Variants in GNB5 observed in about 807,000 individuals in gnomAD.
GNB5 encodes guanine nucleotide-binding protein subunit beta-5.
In GNB5, 37 loss-of-function variants were observed where a neutral mutation model predicts 55.3. That is an observed-to-expected ratio of 0.67 (90% confidence interval 0.51 to 0.88). The LOEUF (loss-of-function observed/expected upper bound fraction) is 0.88, where lower values mean the gene tolerates loss of function less well. Among genes scored for constraint, GNB5 ranks in the 40% least tolerant of loss-of-function variants. GNB5 has a pLI of 0.00. For missense variants in GNB5, 476 were observed against 515.3 expected (o/e 0.92, Z 0.74); for synonymous variants, 219 against 198.5 (o/e 1.10, Z -0.87).
chr15:52,165,763 C>T (rs533384952), intron 3 of GNB5, among the ~76,000 whole-genome samples: 27 of 151,994 alleles, frequency 1.8e-4, no homozygotes, highest in African/African-American at 5.8e-4. Flanking sequence ...AGTACAAGTA[C>T]GCTGTGAAGC....
rs556416735 is a variant in GNB5, at chr15:52,124,270, G to A, written c.1176+203C>T. Among the ~76,000 whole-genome samples the A allele has an allele frequency of 2.0e-5, 3 of 152,330 alleles. No homozygotes were observed. The South Asian group carries it at 6.2e-4, about 32-fold the overall frequency. ...ATACGCAGTTGTCGAATCTGTGCGAGAATACCTGCACTGATGCAGCACTCG... is the reference window on the plus strand; with the variant it reads ...ATACGCAGTTGTCGAATCTGTGCGAAAATACCTGCACTGATGCAGCACTCG... On this transcript the variant is annotated intron_variant, in intron 12 of 12. Transcript: ENST00000261837.
chr15:52,170,608 A>G (rs2141231560), intron 3 of GNB5, among the ~76,000 whole-genome samples: 1 of 152,132 alleles, frequency 6.6e-6, no homozygotes, highest in South Asian at 2.1e-4. Flanking sequence ...TGGGCTTAAT[A>G]CTTAGGTGAT....
Position 52,117,232 on chromosome 15 carries a change from CTTTG to C in GNB5, c.*5521_*5524del, listed in dbSNP as rs946632920. 4.6e-5 allele frequency: 7 copies of C among 151,458 alleles called. No homozygotes were observed. The highest frequency in any genetic ancestry group is 9.7e-5 in the African/African-American group (4 of 41,068). The allele number at this position is 151,458 out of a possible 1,614,324, so 9.4% of individuals were successfully genotyped here. A position where few individuals can be genotyped will look rare whatever the true frequency, so the allele number is the denominator to read the frequency against. ...GGCGTGAGCCACCGCGCCCAGTCAC[CTTTG>C]TTTTTCTTTACCTCCTGGAATATGC... On this transcript the variant is annotated 3_prime_UTR_variant, in exon 13 of 13. Coordinates refer to ENST00000261837, the MANE Select transcript of GNB5 (RefSeq NM_016194.4).
intron 2 of GNB5, among the ~76,000 whole-genome samples, chr15:52,182,805 G>A (rs1020155014): frequency 6.6e-6 from 1 of 152,146 alleles, no homozygotes; most frequent in Admixed American, 6.5e-5. Context: ...AGTAATTGTG[G>A]TTTTTGCCAT....
rs1040088034 is a variant in GNB5 at position 52,179,931 on chromosome 15, G to C, written c.127-52C>G. 29 of 1,447,028 alleles carry C rather than the reference G, an allele frequency of 2.0e-5. 1 individual carries two copies. In the South Asian group the frequency reaches 2.6e-4, roughly 13 times the overall value. The allele number at this position is 1,447,028 out of a possible 1,614,324, so 89.6% of individuals were successfully genotyped here. A position where few individuals can be genotyped will look rare whatever the true frequency, so the allele number is the denominator to read the frequency against. On this transcript the variant is annotated intron_variant, in intron 2 of 12. Coordinates refer to ENST00000261837, the MANE Select transcript of GNB5 (RefSeq NM_016194.4). ...GAAGCGGAGAGCGGGAATGCGCTGA[G>C]CCGCGGCGGGCGCCGCTCCAGCAGC...
Position 52,116,484 on chromosome 15 carries a change from T to C in GNB5, c.*6273A>G, listed in dbSNP as rs985117422. The C allele has an allele frequency of 6.6e-6, 1 of 152,208 alleles. No homozygotes were observed. The highest frequency in any genetic ancestry group is 1.9e-4 in the East Asian group (1 of 5,208). The allele number at this position is 152,208 out of a possible 1,614,324, so 9.4% of individuals were successfully genotyped here. ...TTTAATTGACACATAATTGTATGTA[T>C]TTATGGGGTACAGTGTGTTATTTTG... On this transcript the variant is annotated 3_prime_UTR_variant, in exon 13 of 13. Coordinates refer to ENST00000261837, the MANE Select transcript of GNB5 (RefSeq NM_016194.4).
chr15:52,167,915 C>T (rs137964238), intron 3 of GNB5, among the ~76,000 whole-genome samples: 3 of 152,174 alleles, frequency 2.0e-5, no homozygotes, highest in African/African-American at 7.2e-5. Context: ...ATGATTACCT[C>T]GATAAGACAG....
chr15:52,180,785 ACTGTT>A (rs1345005934), intron 2 of GNB5: 3 of 152,380 alleles, frequency 2.0e-5, no homozygotes, highest in East Asian at 1.9e-4. Flanking sequence ...TGTGAGAGGC[ACTGTT>A]CTAAGTGCTT....
intron 3 of GNB5, among the ~76,000 whole-genome samples, chr15:52,173,981 C>A (rs1056252858): frequency 6.6e-6 from 1 of 152,182 alleles, no homozygotes; most frequent in South Asian, 2.1e-4. Context: ...AAGGGACTTT[C>A]TAGATGTGAT....
At chr15:52,184,339 A>G (rs1474380472) in intron 2 of GNB5, among the ~76,000 whole-genome samples, 1 of 152,194 alleles carries the variant, frequency 6.6e-6, no homozygotes, top group African/African-American at 2.4e-5. Flanking sequence ...CTCCTTGCAC[A>G]CCAATAACTA....
At chr15:52,127,814 G>GA (rs60081352) in intron 10 of GNB5, among the ~76,000 whole-genome samples, 84 of 140,774 alleles carry the variant, frequency 6.0e-4, no homozygotes, top group Middle Eastern at 3.7e-3. Flanking sequence ...GTTTTTAACA[G>GA]AAAAAAAAAA....
At position 52,128,236 on chromosome 15, in the gene GNB5, G is replaced by C. The variant is rs758990144; in HGVS notation, c.872C>G (p.Pro291Arg). ...CCCTGAAGCAAAGGCATCTCCACTG[G>C]GGTAGTACCTGCAGAGAGAAAGTAC... ...ESDINSVRYY[P>R]SGDAFASGSD... Residue 291 changes from proline to arginine, a missense_variant, in exon 10 of 13, where the codon CCC (proline) becomes CGC (arginine). Pro to Arg is a moderately radical substitution (Grantham distance 103, BLOSUM62 -2). Coordinates refer to ENST00000261837, the MANE Select transcript of GNB5 (RefSeq NM_016194.4). 8 of 1,607,426 alleles carry C rather than the reference G, an allele frequency of 5.0e-6. No homozygotes were observed. In the East Asian group the frequency reaches 1.1e-4, roughly 22 times the overall value.
chr15:52,125,769 C>A (rs974732976), intron 11 of GNB5, 179 bp downstream of exon 11: 5 of 577,138 alleles, frequency 8.7e-6, no homozygotes, highest in African/African-American at 7.5e-5. Context: ...TTGCCTGGGG[C>A]AGGACAAAGT....
At chr15:52,147,954 A>G (rs1800430934) in intron 5 of GNB5, among the ~76,000 whole-genome samples, 1 of 152,202 alleles carries the variant, frequency 6.6e-6, no homozygotes, top group Non-Finnish European at 1.5e-5. Context: ...TATAGTTTCA[A>G]AAGGAAGTGG....
Position 52,124,587 on chromosome 15 carries a change from A to G in GNB5, c.1062T>C (p.Val354=). 1 of 1,614,052 alleles carries G rather than the reference A, an allele frequency of 6.2e-7. No homozygotes were observed. The highest frequency in any genetic ancestry group is 8.5e-7 in the Non-Finnish European group (1 of 1,179,864). Reference sequence around the variant, plus strand: ...GGATGGAGACCCGGGACCCTTTGAGAACATCCCAGACGTTGATAGTGTAAT... The same window carrying G: ...GGATGGAGACCCGGGACCCTTTGAGGACATCCCAGACGTTGATAGTGTAAT... The part of the protein sequence containing the change: ...YNDYTINVWD[V]LKGSRVSILF... Residue 354 remains valine (V), a synonymous_variant, in exon 12 of 13, where the codon GTT becomes GTC. Coordinates refer to ENST00000261837, the MANE Select transcript of GNB5 (RefSeq NM_016194.4).
At chr15:52,186,743 G>C (rs1046256905) in intron 1 of GNB5, among the ~76,000 whole-genome samples, 5 of 152,162 alleles carry the variant, frequency 3.3e-5, no homozygotes, top group African/African-American at 1.2e-4. Flanking sequence ...ATGCATTTAT[G>C]GGGGAGGTGA....
chr15:52,168,785 G>A (rs2034498143), intron 3 of GNB5, among the ~76,000 whole-genome samples: 1 of 152,216 alleles, frequency 6.6e-6, no homozygotes, highest in Non-Finnish European at 1.5e-5. Flanking sequence ...CAGACCAATG[G>A]AACCGAATGG....
In GNB5 at chr15:52,124,507, G is replaced by C. The variant is rs753745657; in HGVS notation, c.1142C>G (p.Ala381Gly). The stretch of plus-strand genomic sequence containing the variant: ...ATGATCCCATGATCCAGAGCAGAAA[G>C]CAGTCCCATCGGGGGAAACTCGTAG... ...STLRVSPDGT[A>G]FCSGSWDHTL... The change falls in exon 12 of 13, where the codon GCT becomes GGT. Residue 381 changes from alanine to glycine, a missense_variant. Physicochemically the swap from Ala to Gly is moderately conservative, Grantham distance 60. Transcript: ENST00000261837. The C allele has an allele frequency of 6.2e-7, 1 of 1,614,002 alleles. No homozygotes were observed. Among genetic ancestry groups the C allele is most frequent in the Non-Finnish European group, 8.5e-7 (1 of 1,179,842 alleles).
chr15:52,188,938 T>C (rs780972979), intron 1 of GNB5, among the ~76,000 whole-genome samples: 2 of 152,250 alleles, frequency 1.3e-5, no homozygotes, highest in African/African-American at 2.4e-5. Context: ...TTGGTAGTCA[T>C]GCAAATAGGG....
Sources: allele counts gnomAD v4.1 joint callset (sites outside exome capture counted in the v4.1 genomes callset), GRCh38; gene constraint gnomAD v4.1.1; transcripts MANE v1.5; gene names NCBI Gene and HGNC (gene_info 2026-07-23, HGNC 2026-07-21).